The following TAFA1 variants were observed in gnomAD, a reference collection of about 807,000 sequenced individuals.
TAFA1 encodes the protein chemokine-like protein TAFA-1.
Under a neutral mutation model 18.5 loss-of-function variants are expected in TAFA1, and 4 were observed. The observed-to-expected ratio is 0.22, with a 90% CI of 0.11 to 0.49. The LOEUF (loss-of-function observed/expected upper bound fraction) is 0.49. Ranked by LOEUF, TAFA1 falls within the 20% of genes least tolerant of loss-of-function variation. The pLI is 0.98. For missense variants in TAFA1, 147 were observed against 169.0 expected, an observed-to-expected ratio of 0.87 and a Z score of 0.72; for synonymous variants, 56 against 55.2, an observed-to-expected ratio of 1.01 and a Z score of -0.06.
At chr3:68,386,721 G>A (rs1215786854) in intron 2 of TAFA1, among the ~76,000 whole-genome samples, 1 of 152,110 alleles carries the variant, frequency 6.6e-6, no homozygotes, top group East Asian at 1.9e-4. Flanking sequence ...TTTTCTGTTG[G>A]CCTCTTGGGT....
At chr3:68,222,739 G>A (rs145683819) in intron 2 of TAFA1, among the ~76,000 whole-genome samples, 3,460 of 151,842 alleles carry the variant, frequency 0.023, 79 homozygotes, top group Non-Finnish European at 0.027. Context: ...CACCAGGCTG[G>A]AATGCTGTGG....
intron 2 of TAFA1, among the ~76,000 whole-genome samples, chr3:68,343,921 G>A (rs947894891): frequency 6.6e-5 from 10 of 152,100 alleles, no homozygotes; most frequent in African/African-American, 9.7e-5. Flanking sequence ...TCGGCTCACC[G>A]CAACCTCTGC....
At chr3:68,272,582 G>A (rs1575735418) in intron 2 of TAFA1, among the ~76,000 whole-genome samples, 2 of 152,114 alleles carry the variant, frequency 1.3e-5, no homozygotes, top group East Asian at 3.8e-4. Flanking sequence ...TAAGAAACTG[G>A]ACTTTTTAAA....
At chr3:68,496,310 A>T (rs2072547662) in intron 3 of TAFA1, among the ~76,000 whole-genome samples, 1 of 152,140 alleles carries the variant, frequency 6.6e-6, no homozygotes, top group Admixed American at 6.5e-5. Flanking sequence ...GGCTGTCCTG[A>T]GTGCTTCCTT....
rs574936889 is a variant in TAFA1 at position 68,208,914 on chromosome 3, A to G, written c.118+202170A>G. 4.5e-4 allele frequency among the ~76,000 whole-genome samples: 68 copies of G among 152,072 alleles called. 1 individual carries two copies. In the South Asian group the frequency reaches 7.9e-3, roughly 18 times the overall value. ...TAATTAGGTGAGCCCTTTAAAAAAC[A>G]GGTGTAATGGAAGAGACAAAATGTC... On this transcript the variant is annotated intron_variant, in intron 2 of 4. Transcript: ENST00000478136.
At chr3:68,246,639 T>TACGG (rs2067086825) in intron 2 of TAFA1, among the ~76,000 whole-genome samples, 1 of 122,398 alleles carries the variant, frequency 8.2e-6, no homozygotes, top group Non-Finnish European at 1.7e-5. Flanking sequence ...AGAAGGTAAC[T>TACGG]ACGGACTTCA....
intron 4 of TAFA1, among the ~76,000 whole-genome samples, chr3:68,540,853 T>C (rs2073361241): frequency 6.6e-6 from 1 of 152,214 alleles, no homozygotes; most frequent in South Asian, 2.1e-4. Flanking sequence ...TTCTTTTATT[T>C]GGCCTCTGTA....
intron 2 of TAFA1, among the ~76,000 whole-genome samples, chr3:68,354,007 T>C (rs1256094613): frequency 6.6e-6 from 1 of 152,036 alleles, no homozygotes; most frequent in African/African-American, 2.4e-5. Context: ...GATTAGAGAT[T>C]ACATATTAGC....
intron 2 of TAFA1, among the ~76,000 whole-genome samples, chr3:68,393,286 C>A (rs1182486185): frequency 2.0e-5 from 3 of 151,932 alleles, no homozygotes; most frequent in African/African-American, 7.3e-5. Context: ...GACACATACA[C>A]CCTCCCAAGA....
chr3:68,107,669 A>G (rs1389770528), intron 2 of TAFA1, among the ~76,000 whole-genome samples: 1 of 152,166 alleles, frequency 6.6e-6, no homozygotes, highest in Admixed American at 6.6e-5. Context: ...AATGAATTTT[A>G]GAGATATGTC....
At chr3:68,265,184 C>G (rs1302538164) in intron 2 of TAFA1, among the ~76,000 whole-genome samples, 1 of 152,112 alleles carries the variant, frequency 6.6e-6, no homozygotes, top group Admixed American at 6.6e-5. Flanking sequence ...CATCCAAAAC[C>G]TTTTCTGAGG....
chr3:68,007,500 T>C (rs952591708), intron 2 of TAFA1, among the ~76,000 whole-genome samples: 1 of 152,238 alleles, frequency 6.6e-6, no homozygotes, highest in South Asian at 2.1e-4. Context: ...CCCAGCTCGA[T>C]TGTCCTTACC....
intron 2 of TAFA1, among the ~76,000 whole-genome samples, chr3:68,383,887 C>A (rs2070033849): frequency 6.6e-6 from 1 of 152,132 alleles, no homozygotes; most frequent in Non-Finnish European, 1.5e-5. Context: ...GATTCAACTT[C>A]TTCCTGGTTC....
intron 2 of TAFA1, among the ~76,000 whole-genome samples, chr3:68,048,726 C>A (rs1373022370): frequency 6.6e-6 from 1 of 152,048 alleles, no homozygotes; most frequent in Non-Finnish European, 1.5e-5. Flanking sequence ...TCTTTCTTTG[C>A]CTGGCTTATT....
chr3:68,094,275 C>T (rs2065062041), intron 2 of TAFA1, among the ~76,000 whole-genome samples: 3 of 152,080 alleles, frequency 2.0e-5, no homozygotes, highest in Non-Finnish European at 2.9e-5. Context: ...TCTTCATCTT[C>T]TCTGAGCCAA....
chr3:68,002,444 GT>G (rs1704293548), upstream of TAFA1, among the ~76,000 whole-genome samples: 1 of 152,060 alleles, frequency 6.6e-6, no homozygotes. Context: ...AAACATAATG[GT>G]TACAGGTTTT....
chr3:68,473,357 T>C (rs1431351397), intron 3 of TAFA1, among the ~76,000 whole-genome samples: 1 of 152,214 alleles, frequency 6.6e-6, no homozygotes, highest in African/African-American at 2.4e-5. Flanking sequence ...GTGATTATTA[T>C]GTTGTGAATT....
chr3:68,018,167 G>C (rs137947042), intron 2 of TAFA1, among the ~76,000 whole-genome samples: 234 of 152,252 alleles, frequency 1.5e-3, no homozygotes, highest in African/African-American at 5.3e-3. Context: ...CAATCTCAAG[G>C]CTGCCTTATC....
At chr3:68,083,665 G>C (rs1340094932) in intron 2 of TAFA1, among the ~76,000 whole-genome samples, 1 of 152,196 alleles carries the variant, frequency 6.6e-6, no homozygotes, top group Non-Finnish European at 1.5e-5. Context: ...CATCACTGCA[G>C]ATCTGAGCAG....
Sources: gnomAD v4.1 joint callset for allele counts (sites outside exome capture counted in the v4.1 genomes callset) on GRCh38, gnomAD v4.1.1 for gene constraint, MANE v1.5 for transcripts, NCBI Gene and HGNC (gene_info 2026-07-23, HGNC 2026-07-21) for gene names.